Variants in SLC16A4 observed in about 807,000 individuals in gnomAD.
The protein encoded by SLC16A4 is solute carrier family 16 member 4.
In SLC16A4, 39 loss-of-function variants were observed where a neutral mutation model predicts 47.9. The ratio of observed to expected loss-of-function variants is 0.81; its 90% CI spans 0.63 to 1.06. The LOEUF is 1.06. Among genes scored for constraint, SLC16A4 ranks in the 50% least tolerant of loss-of-function variants. The pLI is 0.00. For missense variants in SLC16A4, 524 were observed against 573.8 expected, an observed-to-expected ratio of 0.91 and a Z score of 0.89; for synonymous variants, 189 against 199.9, an observed-to-expected ratio of 0.95 and a Z score of 0.46.
At chr1:110,367,863 C>T (rs960191413) in intron 8 of SLC16A4, among the ~76,000 whole-genome samples, 1 of 152,102 alleles carries the variant, frequency 6.6e-6, no homozygotes, top group African/African-American at 2.4e-5. Flanking sequence ...GAATCTCACT[C>T]TGTTGCCCAG....
chr1:110,382,216 T>C (rs1256713920), intron 3 of SLC16A4, among the ~76,000 whole-genome samples: 1 of 152,222 alleles, frequency 6.6e-6, no homozygotes, highest in Admixed American at 6.5e-5. Flanking sequence ...TCCCATACTT[T>C]GGGAGGCCAA....
In SLC16A4 at chr1:110,379,614, AG is replaced by A. The variant is rs540851975; in HGVS notation, c.527-259del. ...GGTGGTTATTTGTGTTAAGGGGGGT[AG>A]GGGGGGCAAGTTTTTGGAGGGAGAG... is the stretch of plus-strand genomic sequence containing the variant. On this transcript the variant is annotated intron_variant, in intron 5 of 8. Coordinates refer to ENST00000369779, the MANE Select transcript of SLC16A4 (RefSeq NM_004696.3). 2.7e-3 allele frequency among the ~76,000 whole-genome samples: 407 copies of A among 149,828 alleles called. 2 individuals carry two copies. The highest frequency in any genetic ancestry group is 4.7e-3 in the Non-Finnish European group (319 of 67,462).
At chr1:110,365,180 T>C (rs1661313096) in intron 8 of SLC16A4, among the ~76,000 whole-genome samples, 1 of 152,204 alleles carries the variant, frequency 6.6e-6, no homozygotes, top group South Asian at 2.1e-4. Context: ...TTCAGGGATA[T>C]ACCCCTGAAC....
chr1:110,366,710 C>G (rs1239722130), intron 8 of SLC16A4, among the ~76,000 whole-genome samples: 1 of 152,206 alleles, frequency 6.6e-6, no homozygotes, highest in Non-Finnish European at 1.5e-5. Flanking sequence ...GTTCATATGA[C>G]AATGAAATCA....
intron 8 of SLC16A4, chr1:110,371,800 T>C (rs1661701422): frequency 1.3e-5 from 2 of 152,174 alleles, no homozygotes; most frequent in South Asian, 4.1e-4. Context: ...TTAATTAAAA[T>C]TGAAATTGTC....
At chr1:110,382,137 A>C (rs1349521336) in intron 3 of SLC16A4, among the ~76,000 whole-genome samples, 2 of 152,236 alleles carry the variant, frequency 1.3e-5, no homozygotes, top group African/African-American at 4.8e-5. Context: ...ACCCTGTTAC[A>C]GCTCCAAATA....
Position 110,379,340 on chromosome 1 carries a change from A to G in SLC16A4, c.543T>C (p.Phe181=), listed in dbSNP as rs752901965. 4.4e-5 allele frequency: 70 copies of G among 1,600,892 alleles called. No homozygotes were observed. Among genetic ancestry groups the G allele is most frequent in the Admixed American group, 1.0e-4 (6 of 59,120 alleles). Residue 181 remains phenylalanine, a synonymous_variant, in exon 6 of 9, where the codon TTT becomes TTC. Transcript: ENST00000369779. ...GCACCAAATTCAATGCGATAGCTCC[A>G]AATAATATAAGGGCTCCTAAATAGG... The part of the protein sequence containing the change: ...LYDWTGALIL[F]GAIALNLVPS...
intron 8 of SLC16A4, chr1:110,371,801 T>C (rs1264916291): frequency 6.6e-6 from 1 of 152,212 alleles, no homozygotes; most frequent in Non-Finnish European, 1.5e-5. Context: ...TAATTAAAAT[T>C]GAAATTGTCA....
intron 8 of SLC16A4, among the ~76,000 whole-genome samples, chr1:110,367,612 C>A (rs2100985457): frequency 6.6e-6 from 1 of 152,212 alleles, no homozygotes; most frequent in South Asian, 2.1e-4. Context: ...GGGAGGATCA[C>A]TTGAGCCCAG....
intron 2 of SLC16A4, among the ~76,000 whole-genome samples, chr1:110,387,510 G>A (rs1253456500): frequency 2.0e-5 from 3 of 152,178 alleles, no homozygotes; most frequent in Non-Finnish European, 4.4e-5. Context: ...TGAATTTATT[G>A]TTAACATTTT....
At chr1:110,370,618 T>C (rs1331228386) in intron 8 of SLC16A4, 1 of 152,184 alleles carries the variant, frequency 6.6e-6, no homozygotes, top group African/African-American at 2.4e-5. Context: ...TGGTGCAAAA[T>C]TACCAGTCTC....
rs913545324 is a variant in SLC16A4, at chr1:110,362,888, T to C, written c.*878A>G. On this transcript the variant is annotated 3_prime_UTR_variant, in exon 9 of 9. Coordinates refer to ENST00000369779, the MANE Select transcript of SLC16A4 (RefSeq NM_004696.3). ...TTATATACTTTTTATTATTTAGCAA[T>C]ACATGTTTATCATAGAAATTTAAGA... 2 of 152,138 alleles carry C rather than the reference T, an allele frequency of 1.3e-5. No individual in the cohort carries two copies. The highest frequency in any genetic ancestry group is 4.8e-5 in the African/African-American group (2 of 41,428). The allele number at this position is 152,138 out of a possible 1,614,324, so 9.4% of individuals were successfully genotyped here.
At chr1:110,367,517 G>A (rs964924285) in intron 8 of SLC16A4, among the ~76,000 whole-genome samples, 17 of 151,894 alleles carry the variant, frequency 1.1e-4, no homozygotes, top group Non-Finnish European at 2.2e-4. Context: ...AAAAATATTG[G>A]AAAAGAATAA....
intron 8 of SLC16A4, among the ~76,000 whole-genome samples, chr1:110,366,243 C>T (rs1400608311): frequency 1.3e-5 from 2 of 151,954 alleles, no homozygotes; most frequent in Non-Finnish European, 2.9e-5. Flanking sequence ...CTGCAACCTC[C>T]GACCCGCAGG....
chr1:110,388,056 G>A (rs573267798), intron 2 of SLC16A4, among the ~76,000 whole-genome samples: 5 of 152,154 alleles, frequency 3.3e-5, no homozygotes, highest in African/African-American at 9.6e-5. Context: ...ACCTTTCCCC[G>A]TGAGCTGCTT....
Position 110,380,986 on chromosome 1 carries a change from C to G in SLC16A4, c.522G>C (p.Trp174Cys), listed in dbSNP as rs763335705. ...FTKFLIDLYD[W>C]TGALILFGAI... ...AATAAACTTAGAATGACGTACCTGTCCAGTCATACAGATCTATCAGGAATT... is the reference window on the plus strand; with the variant it reads ...AATAAACTTAGAATGACGTACCTGTGCAGTCATACAGATCTATCAGGAATT... Residue 174 changes from tryptophan to cysteine, a missense_variant, in exon 5 of 9, where the codon TGG (tryptophan) becomes TGC (cysteine). By Grantham distance (215) the Trp-to-Cys change is radical (BLOSUM62 -2). Coordinates refer to ENST00000369779, the MANE Select transcript of SLC16A4 (RefSeq NM_004696.3). 3.1e-6 allele frequency: 5 copies of G among 1,613,618 alleles called. No individual in the cohort carries two copies. The highest frequency in any genetic ancestry group is 3.4e-6 in the Non-Finnish European group (4 of 1,179,590).
Position 110,379,107 on chromosome 1 carries a change from C to T in SLC16A4, c.776G>A (p.Ser259Asn). The change falls in exon 6 of 9, where the codon AGT becomes AAT. Residue 259 changes from serine (S) to asparagine (N), a missense_variant. Ser to Asn is a conservative substitution (Grantham distance 46, BLOSUM62 1). Coordinates refer to ENST00000369779, the MANE Select transcript of SLC16A4 (RefSeq NM_004696.3). ...GTTAGGCCCATTGTAGAACTCTTCA[C>T]TTTGATTTTGTGAGACTGTTAAATT... ...SKNLTVSQNQSEEFYNGPNRN... is the reference protein window; with the variant it reads ...SKNLTVSQNQNEEFYNGPNRN... 1 of 1,614,254 alleles carries T rather than the reference C, an allele frequency of 6.2e-7. No homozygotes were observed. The highest frequency in any genetic ancestry group is 8.5e-7 in the Non-Finnish European group (1 of 1,180,048).
rs770589704 is a variant in SLC16A4 at position 110,389,262 on chromosome 1, C to A, written c.62G>T (p.Trp21Leu). 3.1e-6 allele frequency: 5 copies of A among 1,613,752 alleles called. No individual in the cohort carries two copies. The highest frequency in any genetic ancestry group is 4.2e-6 in the Non-Finnish European group (5 of 1,179,746). The change falls in exon 2 of 9, where the codon TGG becomes TTG. Residue 21 changes from tryptophan (W) to leucine (L), a missense_variant. Transcript: ENST00000369779. ...CAGGAAAAAATGAATCACAATCATC[C>A]ATCCCCATCCTCCATCCAGGGTTTT... Reference protein sequence around the residue: ...YTKTLDGGWGWMIVIHFFLVN... With the variant: ...YTKTLDGGWGLMIVIHFFLVN...
intron 8 of SLC16A4, chr1:110,370,744 G>C (rs972984229): frequency 3.3e-5 from 5 of 152,172 alleles, no homozygotes; most frequent in Admixed American, 6.5e-5. Context: ...TTTGGCGTTA[G>C]AAATGATTTT....
Sources: allele counts gnomAD v4.1 joint callset (sites outside exome capture counted in the v4.1 genomes callset), GRCh38; gene constraint gnomAD v4.1.1; transcripts MANE v1.5; gene names NCBI Gene and HGNC (gene_info 2026-07-23, HGNC 2026-07-21).